ATXN1: variants seen among roughly 807,000 people sequenced by gnomAD.
ATXN1 encodes the protein ataxin-1.
In ATXN1, 8 loss-of-function variants were observed where a neutral mutation model predicts 56.4. The observed-to-expected ratio is 0.14, with a 90% CI of 0.08 to 0.26. The LOEUF is 0.26. Among genes scored for constraint, ATXN1 ranks in the 10% least tolerant of loss-of-function variants. The probability of loss-of-function intolerance (pLI) is 1.00; values close to 1 mark genes in which losing one functional copy is unlikely to be tolerated. For synonymous variants in ATXN1, 514 were observed against 494.6 expected (o/e 1.04, Z -0.52); for missense variants, 987 against 1,106.5 (o/e 0.89, Z 1.53).
intron 3 of ATXN1, among the ~76,000 whole-genome samples, chr6:16,607,152 G>A (rs985359497): frequency 2.0e-5 from 3 of 152,128 alleles, no homozygotes; most frequent in African/African-American, 7.2e-5. Context: ...GGGATTACAG[G>A]CATGAGCCAC....
Position 16,299,179 on chromosome 6 carries a change from CAATT to C in ATXN1, c.*7146_*7149del, listed in dbSNP as rs1017198857. The C allele has an allele frequency of 8.5e-5, 13 of 152,648 alleles. No homozygotes were observed. Among genetic ancestry groups the C allele is most frequent in the African/African-American group, 2.2e-4 (9 of 41,534 alleles). The allele number at this position is 152,648 out of a possible 1,614,324, so 9.5% of individuals were successfully genotyped here. A position where few individuals can be genotyped will look rare whatever the true frequency, so the allele number is the denominator to read the frequency against. On this transcript the variant is annotated 3_prime_UTR_variant, in exon 8 of 8. Transcript: ENST00000436367. ...CAATAAACTTGTACTGGTATACAGACAATTTATTTAAAACAATTTTGTTCAAATT... is the reference window on the plus strand; with the variant it reads ...CAATAAACTTGTACTGGTATACAGACTATTTAAAACAATTTTGTTCAAATT...
In ATXN1 at chr6:16,372,914, A is replaced by AAAAT. The variant is rs751592908; in HGVS notation, c.-160-44448_-160-44445dup. 1.1e-3 allele frequency among the ~76,000 whole-genome samples: 166 copies of AAAAT among 151,354 alleles called. 1 individual carries two copies. The highest frequency in any genetic ancestry group is 3.7e-3 in the African/African-American group (152 of 41,050). ...GGACAGCAAAGTGAGACACTGTATC[A>AAAAT]AAATAAATAAATAAATAAATAAACA... On this transcript the variant is annotated intron_variant, in intron 6 of 7. Coordinates refer to ENST00000436367, the MANE Select transcript of ATXN1 (RefSeq NM_001128164.2).
At chr6:16,479,208 AC>A (rs1470442658) in intron 6 of ATXN1, among the ~76,000 whole-genome samples, 1 of 152,192 alleles carries the variant, frequency 6.6e-6, no homozygotes, top group African/African-American at 2.4e-5. Flanking sequence ...AAGCACAAAT[AC>A]AAAAAAAAAT....
chr6:16,610,253 T>A (rs1474690255), intron 3 of ATXN1, among the ~76,000 whole-genome samples: 1 of 147,748 alleles, frequency 6.8e-6, no homozygotes, highest in African/African-American at 2.6e-5. Flanking sequence ...AAATACAGAG[T>A]AAACCAACCA....
At chr6:16,432,369 A>G (rs1759303853) in intron 6 of ATXN1, among the ~76,000 whole-genome samples, 1 of 152,236 alleles carries the variant, frequency 6.6e-6, no homozygotes, top group Non-Finnish European at 1.5e-5. Context: ...TCTCTGTTCC[A>G]TAGCTCATTT....
chr6:16,306,094 C>G lies in ATXN1; in HGVS notation c.*235G>C. ...CTTTCTTCCCCGGGGATGCCTGGAGCCCTGACCGCTCCTGCTGTGCCCTTC... is the reference window on the plus strand; with the variant it reads ...CTTTCTTCCCCGGGGATGCCTGGAGGCCTGACCGCTCCTGCTGTGCCCTTC... On this transcript the variant is annotated 3_prime_UTR_variant, in exon 8 of 8. Coordinates refer to ENST00000436367, the MANE Select transcript of ATXN1 (RefSeq NM_001128164.2). The surrounding 1 kb of genome is among the most constrained non-coding windows in gnomAD (Gnocchi z 5.2). 2.4e-6 allele frequency: 1 copy of G among 419,876 alleles called. No individual in the cohort carries two copies. Among genetic ancestry groups the G allele is most frequent in the Admixed American group, 4.2e-5 (1 of 23,850 alleles). The allele number at this position is 419,876 out of a possible 1,614,324, so 26.0% of individuals were successfully genotyped here. A position where few individuals can be genotyped will look rare whatever the true frequency, so the allele number is the denominator to read the frequency against.
intron 4 of ATXN1, among the ~76,000 whole-genome samples, chr6:16,526,765 C>A (rs372047431): frequency 1.7e-3 from 193 of 116,430 alleles, no homozygotes; most frequent in African/African-American, 1.6e-3. Flanking sequence ...AACTTCATCT[C>A]AAAAAAAAAA....
At chr6:16,623,736 TAAG>T (rs1199694477) in intron 3 of ATXN1, among the ~76,000 whole-genome samples, 1 of 152,218 alleles carries the variant, frequency 6.6e-6, no homozygotes, top group African/African-American at 2.4e-5. Flanking sequence ...ACTTGCCAGA[TAAG>T]AAGCATGTGT....
chr6:16,584,976 T>C (rs1473237513), intron 4 of ATXN1, among the ~76,000 whole-genome samples: 2 of 152,118 alleles, frequency 1.3e-5, no homozygotes, highest in Admixed American at 6.5e-5. Flanking sequence ...ATCACGCCTG[T>C]AATCCCAACA....
chr6:16,703,671 T>C (rs979133285), intron 2 of ATXN1, among the ~76,000 whole-genome samples: 1 of 152,226 alleles, frequency 6.6e-6, no homozygotes, highest in Admixed American at 6.5e-5. Flanking sequence ...GTGCCTATAA[T>C]AAATAGTACA....
Position 16,300,963 on chromosome 6 carries a change from T to C in ATXN1, c.*5366A>G, listed in dbSNP as rs1352853967. 1.3e-5 allele frequency: 2 copies of C among 152,620 alleles called. No homozygotes were observed. Among genetic ancestry groups the C allele is most frequent in the Non-Finnish European group, 2.9e-5 (2 of 68,036 alleles). 9.5% of individuals were successfully genotyped at this position (152,620 alleles called of 1,614,324 possible). A position where few individuals can be genotyped will look rare whatever the true frequency, so the allele number is the denominator to read the frequency against. On this transcript the variant is annotated 3_prime_UTR_variant, in exon 8 of 8. Transcript: ENST00000436367. ...TATGTAACAAAAATAACAATAAGCA[T>C]AGGTATAGTTTAAGAGCCTTTTACG...
intron 6 of ATXN1, among the ~76,000 whole-genome samples, chr6:16,367,150 T>C (rs1362241351): frequency 6.6e-6 from 1 of 152,112 alleles, no homozygotes; most frequent in East Asian, 1.9e-4. Context: ...CCGAGTAACC[T>C]TGCATACAAG....
At chr6:16,695,888 C>G (rs1239004227) in intron 2 of ATXN1, among the ~76,000 whole-genome samples, 1 of 152,002 alleles carries the variant, frequency 6.6e-6, no homozygotes, top group Non-Finnish European at 1.5e-5. Flanking sequence ...CACTGGAGCC[C>G]AGGAGTTCGA....
chr6:16,488,650 A>G (rs533706799), intron 5 of ATXN1, among the ~76,000 whole-genome samples: 1 of 152,334 alleles, frequency 6.6e-6, no homozygotes, highest in South Asian at 2.1e-4. Context: ...ACAACATTAA[A>G]GCATCATCCA....
intron 2 of ATXN1, chr6:16,737,726 C>T (rs1760186472): frequency 6.6e-6 from 1 of 151,748 alleles, no homozygotes; most frequent in South Asian, 2.1e-4. Flanking sequence ...AGATGAAATC[C>T]CAGAAGAGAA....
rs199711711 is a variant in ATXN1 at position 16,445,509 on chromosome 6, C to CT, written c.-161+40462dup. Among the ~76,000 whole-genome samples the CT allele has an allele frequency of 3.9e-4, 58 of 148,184 alleles. No individual in the cohort carries two copies. The East Asian group carries it at 4.7e-3, about 12-fold the overall frequency. ...CTGCTTTCAAATGTGTTTGATATTT[C>CT]TTTTTTTTTTAAGTTTTTATATTAT... On this transcript the variant is annotated intron_variant, in intron 6 of 7. Transcript: ENST00000436367.
chr6:16,669,005 G>A (rs114027647), intron 2 of ATXN1, among the ~76,000 whole-genome samples: 2,041 of 152,090 alleles, frequency 0.013, 31 homozygotes, highest in Middle Eastern at 0.027. Flanking sequence ...GAGAAATTGT[G>A]CTGTACACTT....
chr6:16,528,093 G>C (rs1761427922), intron 4 of ATXN1, among the ~76,000 whole-genome samples: 1 of 152,032 alleles, frequency 6.6e-6, no homozygotes, highest in East Asian at 1.9e-4. Context: ...TTGAGGTCAG[G>C]AGTTCAAGAC....
At chr6:16,397,633 G>A (rs1758483242) in intron 6 of ATXN1, among the ~76,000 whole-genome samples, 1 of 152,056 alleles carries the variant, frequency 6.6e-6, no homozygotes. Flanking sequence ...AGAACAGTAG[G>A]AATAGTCAAC....
Sources: gnomAD v4.1 joint callset for allele counts (sites outside exome capture counted in the v4.1 genomes callset) on GRCh38, gnomAD v4.1.1 for gene constraint, Gnocchi (gnomAD v3.1) non-coding constraint, MANE v1.5 for transcripts, NCBI Gene and HGNC (gene_info 2026-07-23, HGNC 2026-07-21) for gene names.